The following CAMTA1 variants were observed in gnomAD, a reference collection of about 807,000 sequenced individuals.
CAMTA1 encodes calmodulin binding transcription activator 1, also known as calmodulin-binding transcription activator 1.
A neutral mutation model predicts 170.9 loss-of-function variants in CAMTA1; 27 were observed. That is an observed-to-expected ratio of 0.16 (90% CI 0.12 to 0.22). CAMTA1 has a LOEUF of 0.22. Ranked by LOEUF, CAMTA1 falls within the 10% of genes least tolerant of loss-of-function variation. The probability of loss-of-function intolerance (pLI) is 1.00; values close to 1 mark genes in which losing one functional copy is unlikely to be tolerated. For missense variants in CAMTA1, 1,619 were observed against 2,217.2 expected, an observed-to-expected ratio of 0.73 and a Z score of 5.42; for synonymous variants, 833 against 891.5, an observed-to-expected ratio of 0.93 and a Z score of 1.17.
At chr1:6,852,038 A>AG (rs904638157) in intron 3 of CAMTA1, among the ~76,000 whole-genome samples, 19 of 151,622 alleles carry the variant, frequency 1.3e-4, no homozygotes, top group Admixed American at 8.5e-4. Context: ...AAGTAACCAG[A>AG]GAAAAACTAC....
At chr1:7,485,062 G>T (rs964488241) in intron 6 of CAMTA1, among the ~76,000 whole-genome samples, 1 of 152,094 alleles carries the variant, frequency 6.6e-6, no homozygotes, top group Non-Finnish European at 1.5e-5. Context: ...AGAGCTGCCC[G>T]GACCTGGATC....
At chr1:7,506,095 CG>C (rs746853625) in intron 6 of CAMTA1, among the ~76,000 whole-genome samples, 22 of 152,176 alleles carry the variant, frequency 1.4e-4, no homozygotes, top group Non-Finnish European at 3.2e-4. Context: ...AGGAGGAAGC[CG>C]GCCAGAGGCT....
At chr1:7,706,127 G>C in intron 11 of CAMTA1, among the ~76,000 whole-genome samples, 1 of 152,154 alleles carries the variant, frequency 6.6e-6, no homozygotes, top group Non-Finnish European at 1.5e-5. Context: ...TTAATCAGTT[G>C]CCTCACCAGG....
In CAMTA1 at chr1:7,742,318, A is replaced by G. The variant is rs141456434; in HGVS notation, c.4183-2517A>G. Among the ~76,000 whole-genome samples the G allele has an allele frequency of 8.5e-5, 13 of 152,246 alleles. No homozygotes were observed. In the East Asian group the frequency reaches 1.9e-3, roughly 23 times the overall value. On this transcript the variant is annotated intron_variant, in intron 16 of 22. Coordinates refer to ENST00000303635, the MANE Select transcript of CAMTA1 (RefSeq NM_015215.4). The stretch of plus-strand genomic sequence containing the variant: ...CAGATCAAGTAGATATGAAAAGCAT[A>G]TGAACAAGTTGAACAACAAAATCAG...
chr1:7,604,933 G>C (rs761829935), intron 6 of CAMTA1, among the ~76,000 whole-genome samples: 7 of 152,204 alleles, frequency 4.6e-5, no homozygotes, highest in Non-Finnish European at 1.0e-4. Context: ...GTTGGAGTTT[G>C]CTGGAGGTCC....
At position 7,300,880 on chromosome 1, in the gene CAMTA1, T is replaced by C. The variant is rs1674653548; in HGVS notation, c.438+51254T>C. ...ATATTAATTCCATTATGCCATAAAC[T>C]TTTATTTATCATGACAGCAAGTCAT... is the stretch of plus-strand genomic sequence containing the variant. On this transcript the variant is annotated intron_variant, in intron 5 of 22. Coordinates refer to ENST00000303635, the MANE Select transcript of CAMTA1 (RefSeq NM_015215.4). The surrounding 1 kb of genome is among the most constrained non-coding windows in gnomAD (Gnocchi z 4.1). 6.6e-6 allele frequency among the ~76,000 whole-genome samples: 1 copy of C among 152,224 alleles called. No homozygotes were observed. Among genetic ancestry groups the C allele is most frequent in the Admixed American group, 6.5e-5 (1 of 15,290 alleles).
In CAMTA1 at chr1:6,890,155, A is replaced by T. The variant is rs150412487; in HGVS notation, c.234+64945A>T. Among the ~76,000 whole-genome samples the T allele has an allele frequency of 1.4e-4, 21 of 152,278 alleles. No homozygotes were observed. In the East Asian group the frequency reaches 4.1e-3, roughly 29 times the overall value. On this transcript the variant is annotated intron_variant, in intron 3 of 22. Coordinates refer to ENST00000303635, the MANE Select transcript of CAMTA1 (RefSeq NM_015215.4). ...TCTGCTGAAGAGAAGCCAGTTTATGACTGGCCCTGTAATTTCATATTTTTT... is the reference window on the plus strand; with the variant it reads ...TCTGCTGAAGAGAAGCCAGTTTATGTCTGGCCCTGTAATTTCATATTTTTT...
At chr1:7,161,394 C>G (rs773570462) in intron 4 of CAMTA1, among the ~76,000 whole-genome samples, 9 of 152,164 alleles carry the variant, frequency 5.9e-5, no homozygotes, top group Non-Finnish European at 1.3e-4. Flanking sequence ...CAGCAAATCT[C>G]CATTGAGGGC....
chr1:7,427,373 C>T (rs1031190920), intron 5 of CAMTA1, among the ~76,000 whole-genome samples: 1 of 152,048 alleles, frequency 6.6e-6, no homozygotes, highest in Admixed American at 6.6e-5. Context: ...TGCGAGTGAT[C>T]CAAACTCAGT....
chr1:6,960,456 A>AT (rs1025555768), intron 3 of CAMTA1, among the ~76,000 whole-genome samples: 2 of 151,864 alleles, frequency 1.3e-5, no homozygotes, highest in Non-Finnish European at 2.9e-5. Flanking sequence ...GGCTGGATTG[A>AT]TTTTCCAGGC....
At chr1:7,353,283 C>T (rs2084825408) in intron 5 of CAMTA1, among the ~76,000 whole-genome samples, 1 of 152,088 alleles carries the variant, frequency 6.6e-6, no homozygotes, top group African/African-American at 2.4e-5. Flanking sequence ...TACAGAGAAC[C>T]CCTCATTTAT....
rs553144625 is a variant in CAMTA1 at position 7,685,241 on chromosome 1, C to T, written c.2914+7508C>T. Among the ~76,000 whole-genome samples, 1 of 152,310 alleles carries T rather than the reference C, an allele frequency of 6.6e-6. No homozygotes were observed. The highest frequency in any genetic ancestry group is 2.1e-4 in the South Asian group (1 of 4,828). On this transcript the variant is annotated intron_variant, in intron 11 of 22. Coordinates refer to ENST00000303635, the MANE Select transcript of CAMTA1 (RefSeq NM_015215.4). The surrounding 1 kb of genome is among the most constrained non-coding windows in gnomAD (Gnocchi z 5.7). ...GTGTTTATTGAGCATTTACTATATA[C>T]ACAGCAATACGTATTTAGGGAAGGA...
rs1310943864 is a variant in CAMTA1 at position 7,664,540 on chromosome 1, C to A, written c.1993C>A (p.Arg665=). The change falls in exon 9 of 23, where the codon CGG becomes AGG. Residue 665 remains arginine (R), a synonymous_variant. Transcript: ENST00000303635. ...TSSCSGHVET[R]IESTSSLHLM... ...CTCCTGCAGCGGTCACGTGGAGACG[C>A]GGATCGAGTCCACTTCCTCCCTCCA... 1.2e-6 allele frequency: 2 copies of A among 1,613,124 alleles called. No homozygotes were observed. Among genetic ancestry groups the A allele is most frequent in the Non-Finnish European group, 1.7e-6 (2 of 1,180,058 alleles).
At chr1:7,469,632 C>G (rs1008886585) in intron 6 of CAMTA1, among the ~76,000 whole-genome samples, 4 of 152,244 alleles carry the variant, frequency 2.6e-5, no homozygotes, top group African/African-American at 4.8e-5. Context: ...AGCTGGCATC[C>G]TGCCAGCAGC....
rs2095329694 is a variant in CAMTA1 at position 7,588,501 on chromosome 1, C to T, written c.511-51899C>T. ...TGCCATCACCACCTCCATTTGACAG[C>T]TGAGCTGAAGAGCTTGGTGTGCCCA... On this transcript the variant is annotated intron_variant, in intron 6 of 22. Transcript: ENST00000303635. The surrounding 1 kb of genome is among the most constrained non-coding windows in gnomAD (Gnocchi z 5.8). Among the ~76,000 whole-genome samples the T allele has an allele frequency of 6.6e-6, 1 of 152,244 alleles. No individual in the cohort carries two copies. The highest frequency in any genetic ancestry group is 2.4e-5 in the African/African-American group (1 of 41,470).
At chr1:6,958,882 G>A (rs1312736905) in intron 3 of CAMTA1, among the ~76,000 whole-genome samples, 3 of 152,086 alleles carry the variant, frequency 2.0e-5, no homozygotes, top group Non-Finnish European at 2.9e-5. Flanking sequence ...GCAGTTATTA[G>A]TATTCACGAA....
At chr1:7,000,501 C>T (rs116497144) in intron 3 of CAMTA1, among the ~76,000 whole-genome samples, 2,374 of 152,166 alleles carry the variant, frequency 0.016, 62 homozygotes, top group African/African-American at 0.055. Flanking sequence ...TCTTATGGAG[C>T]GGGGCCTGGA....
chr1:7,457,801 C>T (rs2092994596), intron 5 of CAMTA1, among the ~76,000 whole-genome samples: 1 of 152,212 alleles, frequency 6.6e-6, no homozygotes, highest in Non-Finnish European at 1.5e-5. Flanking sequence ...CGACGGCACA[C>T]CTGTCCTCCC....
Position 7,044,445 on chromosome 1 carries a change from C to A in CAMTA1, c.235-46859C>A, listed in dbSNP as rs1356851257. ...CACTGGGGACCCCGGGAAAGCAGGG[C>A]AGTGCCACTGGGACCCAGATCATGC... On this transcript the variant is annotated intron_variant, in intron 3 of 22. Coordinates refer to ENST00000303635, the MANE Select transcript of CAMTA1 (RefSeq NM_015215.4). This position sits in a 1 kb window ranked among gnomAD's most constrained non-coding sequence, Gnocchi z 5.0. Among the ~76,000 whole-genome samples, 1 of 152,208 alleles carries A rather than the reference C, an allele frequency of 6.6e-6. No homozygotes were observed. Among genetic ancestry groups the A allele is most frequent in the Admixed American group, 6.5e-5 (1 of 15,290 alleles).
Sources: gnomAD v4.1 joint callset for allele counts (sites outside exome capture counted in the v4.1 genomes callset) on GRCh38, gnomAD v4.1.1 for gene constraint, Gnocchi (gnomAD v3.1) non-coding constraint, MANE v1.5 for transcripts, NCBI Gene and HGNC (gene_info 2026-07-23, HGNC 2026-07-21) for gene names.